CSRNP3: variants seen among roughly 807,000 people sequenced by gnomAD.
The protein encoded by CSRNP3 is cysteine and serine rich nuclear protein 3.
CSRNP3 carries 12 observed loss-of-function variants against 48.0 expected under a neutral mutation model. The observed-to-expected ratio is 0.25, with a 90% confidence interval of 0.16 to 0.41. CSRNP3 has a LOEUF of 0.41. Ranked by LOEUF, CSRNP3 falls within the 10% of genes least tolerant of loss-of-function variation. CSRNP3 has a pLI of 1.00. For synonymous variants in CSRNP3, 263 were observed against 269.7 expected (o/e 0.98, Z 0.24); for missense variants, 580 against 724.4 (o/e 0.80, Z 2.29).
intron 4 of CSRNP3, among the ~76,000 whole-genome samples, chr2:165,627,975 G>C (rs1379184804): frequency 6.6e-6 from 1 of 152,130 alleles, no homozygotes; most frequent in Non-Finnish European, 1.5e-5. Flanking sequence ...AAATTGTACT[G>C]GAGCTGTTAA....
intron 2 of CSRNP3, among the ~76,000 whole-genome samples, chr2:165,513,378 G>A (rs753683574): frequency 7.2e-5 from 11 of 152,038 alleles, no homozygotes; most frequent in Admixed American, 2.0e-4. Flanking sequence ...CCCTTTTGAC[G>A]TATTTGGGTT....
chr2:165,527,022 C>G (rs1304833840), intron 3 of CSRNP3, among the ~76,000 whole-genome samples: 1 of 151,836 alleles, frequency 6.6e-6, no homozygotes, highest in Non-Finnish European at 1.5e-5. Flanking sequence ...ATTTGCATGT[C>G]CAAAAATGAG....
At chr2:165,526,716 G>A (rs974497928) in intron 3 of CSRNP3, among the ~76,000 whole-genome samples, 2 of 152,180 alleles carry the variant, frequency 1.3e-5, no homozygotes, top group African/African-American at 4.8e-5. Flanking sequence ...CATCAATAAA[G>A]TAGGCATAGA....
At chr2:165,675,598 A>T (rs1687410970) in intron 5 of CSRNP3, among the ~76,000 whole-genome samples, 2 of 152,312 alleles carry the variant, frequency 1.3e-5, no homozygotes, top group Admixed American at 1.3e-4. Flanking sequence ...TATTATGCAG[A>T]AGGTACCATT....
chr2:165,561,543 A>T (rs1685233225), intron 3 of CSRNP3, among the ~76,000 whole-genome samples: 1 of 152,236 alleles, frequency 6.6e-6, no homozygotes, highest in East Asian at 1.9e-4. Context: ...TATTCACTGA[A>T]TCCAAAATGG....
intron 3 of CSRNP3, among the ~76,000 whole-genome samples, chr2:165,579,178 G>A (rs1685501280): frequency 6.6e-6 from 1 of 152,112 alleles, no homozygotes; most frequent in Admixed American, 6.6e-5. Flanking sequence ...GAAAAGATGT[G>A]TTTTCCAAAA....
At chr2:165,570,794 A>G (rs1685362842) in intron 3 of CSRNP3, among the ~76,000 whole-genome samples, 1 of 151,918 alleles carries the variant, frequency 6.6e-6, no homozygotes, top group African/African-American at 2.4e-5. Flanking sequence ...ACATTTTGGG[A>G]CAAATGCATT....
chr2:165,504,189 T>C (rs1248992250), intron 2 of CSRNP3, among the ~76,000 whole-genome samples: 1 of 152,038 alleles, frequency 6.6e-6, no homozygotes. Context: ...AAAATACATT[T>C]CAAATTCACA....
chr2:165,531,964 G>A (rs1416743805), intron 3 of CSRNP3, among the ~76,000 whole-genome samples: 2 of 151,966 alleles, frequency 1.3e-5, no homozygotes, highest in Non-Finnish European at 2.9e-5. Flanking sequence ...TCTAGAAGAA[G>A]TGGATAAATT....
Position 165,642,642 on chromosome 2 carries a change from G to A in CSRNP3, c.149-15119G>A, listed in dbSNP as rs150540135. On this transcript the variant is annotated intron_variant, in intron 4 of 6. Coordinates refer to ENST00000651982, the MANE Select transcript of CSRNP3 (RefSeq NM_001172173.2). ...CAATGGTGTGATCTCAGCTCACTGC[G>A]ACCTCCGCCTCCCAGGTTCAAGAGA... Among the ~76,000 whole-genome samples the A allele has an allele frequency of 7.2e-3, 1,078 of 150,676 alleles. 16 individuals are homozygous for A. The highest frequency in any genetic ancestry group is 0.025 in the African/African-American group (1,025 of 40,940).
intron 3 of CSRNP3, among the ~76,000 whole-genome samples, chr2:165,526,164 T>A (rs545226038): frequency 6.6e-6 from 1 of 152,202 alleles, no homozygotes; most frequent in Non-Finnish European, 1.5e-5. Flanking sequence ...TGAAATCATA[T>A]AGTGTGAATC....
At chr2:165,664,845 A>G (rs1379450804) in intron 5 of CSRNP3, among the ~76,000 whole-genome samples, 1 of 152,162 alleles carries the variant, frequency 6.6e-6, no homozygotes, top group East Asian at 1.9e-4. Context: ...TAAGCAAAAA[A>G]CAAACAAACA....
At chr2:165,650,208 G>A (rs950913305) in intron 4 of CSRNP3, among the ~76,000 whole-genome samples, 1 of 152,044 alleles carries the variant, frequency 6.6e-6, no homozygotes, top group South Asian at 2.1e-4. Flanking sequence ...TTAAAAAGAC[G>A]ACTGGGGCAA....
At chr2:165,631,993 T>C (rs918017952) in intron 4 of CSRNP3, among the ~76,000 whole-genome samples, 1 of 152,192 alleles carries the variant, frequency 6.6e-6, no homozygotes, top group Non-Finnish European at 1.5e-5. Flanking sequence ...CTATTAATAT[T>C]TAGAGCATCA....
In CSRNP3 at chr2:165,625,922, A is replaced by AG. The variant is rs551099852; in HGVS notation, c.148+30709_148+30710insG. Among the ~76,000 whole-genome samples, 390 of 149,774 alleles carry AG rather than the reference A, an allele frequency of 2.6e-3. 4 individuals are homozygous for AG. The highest frequency in any genetic ancestry group is 8.0e-3 in the Admixed American group (120 of 15,020). The stretch of plus-strand genomic sequence containing the variant: ...CTCCAAAACTCCATCTCAAAAAAAA[A>AG]AAAAGAAAAGAAAAAAATGACTGGG... On this transcript the variant is annotated intron_variant, in intron 4 of 6. Coordinates refer to ENST00000651982, the MANE Select transcript of CSRNP3 (RefSeq NM_001172173.2).
intron 3 of CSRNP3, among the ~76,000 whole-genome samples, chr2:165,540,838 G>A (rs1035381950): frequency 5.3e-5 from 8 of 151,986 alleles, no homozygotes; most frequent in Non-Finnish European, 8.8e-5. Flanking sequence ...TTCTGTACCT[G>A]GTAGTTTGGT....
At chr2:165,531,986 A>C (rs1425262822) in intron 3 of CSRNP3, among the ~76,000 whole-genome samples, 1 of 152,210 alleles carries the variant, frequency 6.6e-6, no homozygotes, top group African/African-American at 2.4e-5. Flanking sequence ...CTCGACACAT[A>C]CATCCTCCCA....
intron 2 of CSRNP3, among the ~76,000 whole-genome samples, chr2:165,496,088 T>G (rs1477481092): frequency 6.6e-6 from 1 of 152,024 alleles, no homozygotes; most frequent in Admixed American, 6.6e-5. Flanking sequence ...GATTCAAAAT[T>G]TTATTTGGTA....
rs551835182 is a variant in CSRNP3, at chr2:165,534,669, TA to T, written c.-24+16715del. Among the ~76,000 whole-genome samples the T allele has an allele frequency of 6.9e-3, 1,050 of 151,704 alleles. 15 individuals are homozygous for T. Among genetic ancestry groups the T allele is most frequent in the African/African-American group, 0.024 (986 of 41,486 alleles). On this transcript the variant is annotated intron_variant, in intron 3 of 6. Coordinates refer to ENST00000651982, the MANE Select transcript of CSRNP3 (RefSeq NM_001172173.2). Reference sequence around the variant, plus strand: ...AAAGAAATATTATATAGCTCTTTAATAAAAAAATAAAGTGGTTCTAATATAC... The same window carrying T: ...AAAGAAATATTATATAGCTCTTTAATAAAAAATAAAGTGGTTCTAATATAC...
Sources: gnomAD v4.1 joint callset for allele counts (sites outside exome capture counted in the v4.1 genomes callset) on GRCh38, gnomAD v4.1.1 for gene constraint, MANE v1.5 for transcripts, NCBI Gene and HGNC (gene_info 2026-07-23, HGNC 2026-07-21) for gene names.